The following RB1CC1 variants were observed in gnomAD, a reference collection of about 807,000 sequenced individuals.
RB1CC1 encodes the protein RB1-inducible coiled-coil protein 1.
RB1CC1 carries 46 observed loss-of-function variants against 177.5 expected under a neutral mutation model. The ratio of observed to expected loss-of-function variants is 0.26; its 90% CI spans 0.20 to 0.33. The LOEUF is 0.33. Among genes scored for constraint, RB1CC1 ranks in the 10% least tolerant of loss-of-function variants. The pLI is 1.00. For synonymous variants in RB1CC1, 666 were observed against 613.6 expected (o/e 1.09, Z -1.26); for missense variants, 1,703 against 1,816.3 (o/e 0.94, Z 1.13).
chr8:52,643,950 A>C (rs1849789582), intron 16 of RB1CC1, among the ~76,000 whole-genome samples: 1 of 152,022 alleles, frequency 6.6e-6, no homozygotes, highest in Non-Finnish European at 1.5e-5. Flanking sequence ...TATTTAATTA[A>C]ATACAATTTC....
chr8:52,694,533 C>T (rs1855201932), intron 1 of RB1CC1, among the ~76,000 whole-genome samples: 1 of 152,170 alleles, frequency 6.6e-6, no homozygotes, highest in Admixed American at 6.5e-5. Context: ...AATTTTGCCT[C>T]TTGGAGAGTA....
intron 7 of RB1CC1, among the ~76,000 whole-genome samples, chr8:52,671,161 G>C (rs149096375): frequency 6.6e-6 from 1 of 152,146 alleles, no homozygotes; most frequent in Non-Finnish European, 1.5e-5. Flanking sequence ...GATAGTAAAT[G>C]AATCTCAATG....
chr8:52,649,386 T>C (rs113815468), intron 15 of RB1CC1, among the ~76,000 whole-genome samples: 26 of 152,312 alleles, frequency 1.7e-4, no homozygotes, highest in East Asian at 7.7e-4. Flanking sequence ...AAAATGTCAG[T>C]TCTAGCAAAG....
At chr8:52,641,363 G>A in intron 18 of RB1CC1, among the ~76,000 whole-genome samples, 1 of 120,462 alleles carries the variant, frequency 8.3e-6, no homozygotes, top group South Asian at 2.6e-4. Flanking sequence ...CACCCTGGGG[G>A]ATAAGAGTGA....
intron 1 of RB1CC1, among the ~76,000 whole-genome samples, chr8:52,698,238 A>G (rs1161186407): frequency 6.6e-6 from 1 of 152,022 alleles, no homozygotes; most frequent in East Asian, 1.9e-4. Context: ...TACCATGCCC[A>G]GCTAATTTTT....
intron 20 of RB1CC1, among the ~76,000 whole-genome samples, chr8:52,631,706 T>C (rs1051808221): frequency 6.6e-6 from 1 of 152,216 alleles, no homozygotes; most frequent in African/African-American, 2.4e-5. Flanking sequence ...TTAAGGTCCA[T>C]ATATGCTCGT....
At chr8:52,654,208 A>C (rs34485664) in intron 15 of RB1CC1, among the ~76,000 whole-genome samples, 26 of 152,338 alleles carry the variant, frequency 1.7e-4, no homozygotes, top group East Asian at 7.7e-4. Flanking sequence ...ATCTGTCTAA[A>C]TGCTGAGTTT....
chr8:52,672,373 A>G lies in RB1CC1; in HGVS notation c.1002+1472T>C, dbSNP rs115255653. On this transcript the variant is annotated intron_variant, in intron 7 of 23. Transcript: ENST00000025008. ...GACTCCGTGAAATTTCACACTGAAC[A>G]TGGAAATACAAAGCCGATTTCAGGT... 2.9e-3 allele frequency among the ~76,000 whole-genome samples: 449 copies of G among 152,298 alleles called. 4 individuals carry two copies. Among genetic ancestry groups the G allele is most frequent in the African/African-American group, 0.01 (423 of 41,568 alleles).
chr8:52,702,158 T>G (rs974057408), intron 1 of RB1CC1, among the ~76,000 whole-genome samples: 20 of 152,198 alleles, frequency 1.3e-4, no homozygotes, highest in African/African-American at 4.8e-4. Context: ...GGATTATTAA[T>G]CTTTATGTGG....
chr8:52,645,556 G>A lies in RB1CC1; in HGVS notation c.3987+146C>T. On this transcript the variant is annotated intron_variant, in intron 16 of 23. Coordinates refer to ENST00000025008, the MANE Select transcript of RB1CC1 (RefSeq NM_014781.5). ...AAAATTCTTAAAAATACACGCTTTT[G>A]TCAAGAGGAAATTTATTAACAGGAT... 3 of 864,488 alleles carry A rather than the reference G, an allele frequency of 3.5e-6. No individual in the cohort carries two copies. The South Asian group carries it at 6.4e-5, about 18-fold the overall frequency. The allele number at this position is 864,488 out of a possible 1,614,324, so 53.6% of individuals were successfully genotyped here. A position where few individuals can be genotyped will look rare whatever the true frequency, so the allele number is the denominator to read the frequency against.
rs1491050646 is a variant in RB1CC1, at chr8:52,707,430, TTC to T, written c.-167+6643_-167+6644del. On this transcript the variant is annotated intron_variant, in intron 1 of 23. Coordinates refer to ENST00000025008, the MANE Select transcript of RB1CC1 (RefSeq NM_014781.5). ...TTATTTTTCTTTTCTTTTTCTTTCT[TTC>T]TTTTTTTTTTTTTTTTTTTACAAAC... is the stretch of plus-strand genomic sequence containing the variant. Among the ~76,000 whole-genome samples, 645 of 121,564 alleles carry T rather than the reference TTC, an allele frequency of 5.3e-3. 4 individuals are homozygous for T. Among genetic ancestry groups the T allele is most frequent in the African/African-American group, 0.017 (604 of 36,512 alleles). The allele number at this position is 121,564 out of a possible 152,430, so 79.8% of individuals were successfully genotyped here. A position where few individuals can be genotyped will look rare whatever the true frequency, so the allele number is the denominator to read the frequency against.
intron 8 of RB1CC1, among the ~76,000 whole-genome samples, chr8:52,663,211 A>G (rs1851779096): frequency 1.3e-5 from 2 of 152,088 alleles, no homozygotes; most frequent in Admixed American, 6.5e-5. Context: ...ATCGTGTTCC[A>G]GATGCATTCA....
chr8:52,704,761 A>G (rs1856408272), intron 1 of RB1CC1, among the ~76,000 whole-genome samples: 2 of 152,210 alleles, frequency 1.3e-5, no homozygotes, highest in South Asian at 4.1e-4. Context: ...GTACAAGCAC[A>G]GAAATCAACT....
chr8:52,627,880 T>C, intron 22 of RB1CC1, 152 bp downstream of exon 22: 1 of 609,676 alleles, frequency 1.6e-6, no homozygotes, highest in Non-Finnish European at 2.6e-6. Context: ...ATGAAAATAA[T>C]CTAGATAATA....
chr8:52,703,658 T>C (rs191871658), intron 1 of RB1CC1, among the ~76,000 whole-genome samples: 1 of 152,336 alleles, frequency 6.6e-6, no homozygotes, highest in Admixed American at 6.5e-5. Context: ...ATACTTCAAA[T>C]TCCAACTATT....
At chr8:52,659,479 G>A (rs958831156) in intron 12 of RB1CC1, among the ~76,000 whole-genome samples, 4 of 151,472 alleles carry the variant, frequency 2.6e-5, no homozygotes, top group East Asian at 1.9e-4. Flanking sequence ...AATATTAACC[G>A]GTAAATCCTA....
At chr8:52,671,697 T>A (rs1408948308) in intron 7 of RB1CC1, among the ~76,000 whole-genome samples, 3 of 152,228 alleles carry the variant, frequency 2.0e-5, no homozygotes, top group African/African-American at 7.2e-5. Flanking sequence ...TAATATATAT[T>A]TTTTAACTTC....
At chr8:52,679,934 C>A (rs1183017116) in intron 5 of RB1CC1, among the ~76,000 whole-genome samples, 2 of 151,892 alleles carry the variant, frequency 1.3e-5, no homozygotes, top group African/African-American at 4.9e-5. Context: ...AGGAGAAGGA[C>A]AAAATAAGTC....
chr8:52,675,711 A>G (rs1391579180), intron 6 of RB1CC1, among the ~76,000 whole-genome samples: 2 of 128,180 alleles, frequency 1.6e-5, no homozygotes, highest in East Asian at 2.1e-4. Context: ...TCTACTAAAA[A>G]TCCAAAAAAA....
Sources: allele counts gnomAD v4.1 joint callset (sites outside exome capture counted in the v4.1 genomes callset), GRCh38; gene constraint gnomAD v4.1.1; transcripts MANE v1.5; gene names NCBI Gene and HGNC (gene_info 2026-07-23, HGNC 2026-07-21).